The following TRDN variants were observed in gnomAD, a reference collection of about 807,000 sequenced individuals.
TRDN encodes the protein triadin in skeletal muscle.
In TRDN, 161 loss-of-function variants were observed where a neutral mutation model predicts 149.7. The observed-to-expected ratio is 1.08, with a 90% CI of 0.95 to 1.23. TRDN has a LOEUF of 1.23. Ranked by LOEUF, TRDN falls within the 50% of genes most tolerant of loss-of-function variation. TRDN has a pLI of 0.00. For synonymous variants in TRDN, 294 were observed against 250.5 expected, an observed-to-expected ratio of 1.17 and a Z score of -1.64; for missense variants, 896 against 823.5, an observed-to-expected ratio of 1.09 and a Z score of -1.08.
chr6:123,272,751 G>A (rs1244587919), intron 29 of TRDN, among the ~76,000 whole-genome samples: 2 of 151,860 alleles, frequency 1.3e-5, no homozygotes, highest in South Asian at 2.1e-4. Context: ...CTGGTGGGAA[G>A]GGAAGACTAG....
intron 1 of TRDN, among the ~76,000 whole-genome samples, chr6:123,596,709 A>G (rs977866986): frequency 3.9e-5 from 6 of 152,222 alleles, no homozygotes; most frequent in Middle Eastern, 3.4e-3. Context: ...TACCTTGTCT[A>G]TGCTCTATCA....
intron 4 of TRDN, among the ~76,000 whole-genome samples, chr6:123,530,950 T>C (rs1441589140): frequency 6.6e-6 from 1 of 151,932 alleles, no homozygotes; most frequent in Non-Finnish European, 1.5e-5. Context: ...AGTTTTTACA[T>C]ATTAAATTAA....
chr6:123,490,814 T>A (rs1243578087), intron 9 of TRDN, among the ~76,000 whole-genome samples: 1 of 152,126 alleles, frequency 6.6e-6, no homozygotes, highest in Non-Finnish European at 1.5e-5. Context: ...AATACAAAAA[T>A]GAAAACCTGC....
At chr6:123,578,614 C>T (rs1782970960) in intron 1 of TRDN, among the ~76,000 whole-genome samples, 2 of 151,892 alleles carry the variant, frequency 1.3e-5, no homozygotes, top group South Asian at 2.1e-4. Flanking sequence ...TTCCTTTTTG[C>T]TTAGGATTGT....
intron 12 of TRDN, among the ~76,000 whole-genome samples, chr6:123,432,989 A>G (rs935479123): frequency 1.3e-5 from 2 of 151,512 alleles, no homozygotes; most frequent in African/African-American, 4.8e-5. Context: ...CATCTATTCC[A>G]AGAGCATCAA....
intron 2 of TRDN, among the ~76,000 whole-genome samples, chr6:123,564,357 G>A (rs1230034501): frequency 2.6e-5 from 4 of 152,166 alleles, no homozygotes; most frequent in Non-Finnish European, 4.4e-5. Context: ...GTTGCATTTA[G>A]TGTTTCAGTC....
intron 14 of TRDN, among the ~76,000 whole-genome samples, chr6:123,385,299 C>T (rs1421452745): frequency 6.6e-6 from 1 of 151,718 alleles, no homozygotes; most frequent in Non-Finnish European, 1.5e-5. Flanking sequence ...GTGGTAGCAG[C>T]CGCCTGTAGT....
At chr6:123,591,653 G>A (rs1405572461) in intron 1 of TRDN, among the ~76,000 whole-genome samples, 2 of 152,162 alleles carry the variant, frequency 1.3e-5, no homozygotes, top group South Asian at 2.1e-4. Context: ...GGAAATACAC[G>A]TATTTTAAGA....
chr6:123,324,651 C>T (rs1779375359), intron 23 of TRDN, among the ~76,000 whole-genome samples: 1 of 152,108 alleles, frequency 6.6e-6, no homozygotes, highest in Non-Finnish European at 1.5e-5. Flanking sequence ...TATTGGAGCT[C>T]TACACTTAGA....
rs76070792 is a variant in TRDN, at chr6:123,543,488, G to A, written c.424+3852C>T. On this transcript the variant is annotated intron_variant, in intron 4 of 40. Transcript: ENST00000334268. ...ATTAGCTAAGGATATACATTGTACC[G>A]TCGTGAATCTTAGACCTCTGTGCTT... Among the ~76,000 whole-genome samples the A allele has an allele frequency of 1.7e-3, 263 of 152,230 alleles. 1 individual carries two copies. The highest frequency in any genetic ancestry group is 6.1e-3 in the African/African-American group (255 of 41,548).
At chr6:123,625,933 GCC>G (rs1183017274) in intron 1 of TRDN, among the ~76,000 whole-genome samples, 1 of 152,050 alleles carries the variant, frequency 6.6e-6, no homozygotes, top group African/African-American at 2.4e-5. Context: ...AGTGAAGTTG[GCC>G]ACATCGATGG....
At chr6:123,566,030 T>A (rs1413226021) in intron 2 of TRDN, among the ~76,000 whole-genome samples, 1 of 152,208 alleles carries the variant, frequency 6.6e-6, no homozygotes, top group African/African-American at 2.4e-5. Context: ...TACCATGAAT[T>A]CATAAACGAT....
intron 32 of TRDN, 104 bp downstream of exon 32, chr6:123,267,603 A>G: frequency 1.3e-6 from 1 of 743,848 alleles, no homozygotes; most frequent in Non-Finnish European, 2.1e-6. Context: ...ACAACACATT[A>G]CCAGGAAACA....
At chr6:123,605,079 T>C (rs1459128250) in intron 1 of TRDN, among the ~76,000 whole-genome samples, 1 of 151,984 alleles carries the variant, frequency 6.6e-6, no homozygotes, top group East Asian at 1.9e-4. Context: ...CATGTAGATA[T>C]ATTTGTTTAC....
At chr6:123,406,958 A>G (rs946617376) in intron 12 of TRDN, among the ~76,000 whole-genome samples, 1 of 152,102 alleles carries the variant, frequency 6.6e-6, no homozygotes, top group Admixed American at 6.5e-5. Flanking sequence ...AAAAAGAGAA[A>G]AGAAACCCAC....
chr6:123,281,120 T>C (rs1256980375), intron 24 of TRDN, among the ~76,000 whole-genome samples: 1 of 152,086 alleles, frequency 6.6e-6, no homozygotes, highest in East Asian at 1.9e-4. Flanking sequence ...CTTTCTGATA[T>C]TCAGGCGGAA....
chr6:123,382,394 C>T (rs1166408000), intron 14 of TRDN, among the ~76,000 whole-genome samples: 1 of 151,100 alleles, frequency 6.6e-6, no homozygotes, highest in Non-Finnish European at 1.5e-5. Flanking sequence ...GAATATAAAA[C>T]ATTGAAAAAT....
intron 9 of TRDN, among the ~76,000 whole-genome samples, chr6:123,482,942 A>C (rs1445317324): frequency 6.6e-6 from 1 of 151,996 alleles, no homozygotes; most frequent in Non-Finnish European, 1.5e-5. Context: ...ATCAATAATC[A>C]CGTGTGAATA....
At chr6:123,441,653 C>CT (rs1317808125) in intron 10 of TRDN, among the ~76,000 whole-genome samples, 2 of 152,176 alleles carry the variant, frequency 1.3e-5, no homozygotes, top group Non-Finnish European at 2.9e-5. Context: ...TTACTTCTTA[C>CT]TTTCTAAGCC....
Sources: gnomAD v4.1 joint callset for allele counts (sites outside exome capture counted in the v4.1 genomes callset) on GRCh38, gnomAD v4.1.1 for gene constraint, MANE v1.5 for transcripts, NCBI Gene and HGNC (gene_info 2026-07-23, HGNC 2026-07-21) for gene names.